The following CMPK2 variants were observed in gnomAD, a reference collection of about 807,000 sequenced individuals.
CMPK2 encodes cytidine/uridine monophosphate kinase 2.
CMPK2 carries 32 observed loss-of-function variants against 33.4 expected under a neutral mutation model. That is an observed-to-expected ratio of 0.96 (90% CI 0.72 to 1.29). The LOEUF is 1.29. Among genes scored for constraint, CMPK2 ranks in the 50% most tolerant of loss-of-function variants. CMPK2 has a pLI of 0.00. For synonymous variants in CMPK2, 299 were observed against 275.3 expected (o/e 1.09, Z -0.85); for missense variants, 672 against 616.0 (o/e 1.09, Z -0.96).
intron 3 of CMPK2, among the ~76,000 whole-genome samples, chr2:6,841,282 T>G (rs1054125462): frequency 6.6e-6 from 1 of 152,090 alleles, no homozygotes; most frequent in South Asian, 2.1e-4. Flanking sequence ...CAACAAGAGG[T>G]GCTGAATTCC....
chr2:6,840,739 G>C, intron 3 of CMPK2: 1 of 695,644 alleles, frequency 1.4e-6, no homozygotes, highest in Admixed American at 2.0e-5. Context: ...TGGTAGAACA[G>C]AGGTGGCCCT....
At chr2:6,851,371 A>G (rs1662516101) in intron 4 of CMPK2, 79 bp downstream of exon 4, 1 of 1,591,654 alleles carries the variant, frequency 6.3e-7, no homozygotes, top group Admixed American at 1.8e-5. Context: ...ACTTCCTCAC[A>G]ATCCTAAAGC....
At position 6,849,205 on chromosome 2, in the gene CMPK2, T is replaced by A; in HGVS notation, c.*645A>T. On this transcript the variant is annotated 3_prime_UTR_variant, in exon 5 of 5. Coordinates refer to ENST00000256722, the MANE Select transcript of CMPK2 (RefSeq NM_207315.4). ...ATCTTGGCTTGAATGTCTTTATATA[T>A]GACTCAGAAGCCTATCAAAAGGGCT... is the stretch of plus-strand genomic sequence containing the variant. The A allele has an allele frequency of 1.0e-6, 1 of 985,468 alleles. No individual in the cohort carries two copies. The highest frequency in any genetic ancestry group is 1.2e-6 in the Non-Finnish European group (1 of 829,926). The allele number at this position is 985,468 out of a possible 1,614,324, so 61.0% of individuals were successfully genotyped here.
chr2:6,863,590 C>T lies in CMPK2; in HGVS notation c.676-12G>A, dbSNP rs117967668. On this transcript the variant is annotated splice_polypyrimidine_tract_variant and intron_variant, in intron 1 of 4. Coordinates refer to ENST00000256722, the MANE Select transcript of CMPK2 (RefSeq NM_207315.4). ...ATAAAGGAGGTACACTGTAAAACAACGTCTATCCATCAGCAATGAAGCCAG... is the reference window on the plus strand; with the variant it reads ...ATAAAGGAGGTACACTGTAAAACAATGTCTATCCATCAGCAATGAAGCCAG... 294 of 1,602,876 alleles carry T rather than the reference C, an allele frequency of 1.8e-4. 1 individual carries two copies. In the East Asian group the frequency reaches 5.9e-3, roughly 32 times the overall value.
At chr2:6,841,234 A>C (rs1662225630) in intron 3 of CMPK2, among the ~76,000 whole-genome samples, 1 of 152,174 alleles carries the variant, frequency 6.6e-6, no homozygotes, top group African/African-American at 2.4e-5. Flanking sequence ...TGTTTGACAT[A>C]GAAATGCCTC....
At chr2:6,844,306 A>C (rs756286778), downstream of CMPK2, among the ~76,000 whole-genome samples, 2 of 152,204 alleles carry the variant, frequency 1.3e-5, no homozygotes, top group Non-Finnish European at 2.9e-5. Context: ...CTAGAGTACT[A>C]TCTGGACCTA....
chr2:6,847,788 A>G (rs768149279), downstream of CMPK2, among the ~76,000 whole-genome samples: 1 of 152,154 alleles, frequency 6.6e-6, no homozygotes, highest in African/African-American at 2.4e-5. Context: ...CTCACATACT[A>G]TTGGCAAGAA....
chr2:6,853,899 C>CT (rs1662605458), intron 3 of CMPK2, among the ~76,000 whole-genome samples: 1 of 150,574 alleles, frequency 6.6e-6, no homozygotes, highest in Non-Finnish European at 1.5e-5. Context: ...GAGACTTCAT[C>CT]TAAAAAAAAA....
downstream of CMPK2, among the ~76,000 whole-genome samples, chr2:6,847,901 A>C (rs927125402): frequency 1.3e-5 from 2 of 152,232 alleles, no homozygotes; most frequent in Non-Finnish European, 2.9e-5. Context: ...CCATGGAAGA[A>C]AGGAAGAATA....
chr2:6,841,945 T>C (rs1055015422), intron 3 of CMPK2, among the ~76,000 whole-genome samples: 1 of 152,168 alleles, frequency 6.6e-6, no homozygotes, highest in Non-Finnish European at 1.5e-5. Context: ...CAGGAAAGCA[T>C]ACTTAGAATC....
chr2:6,857,288 T>C (rs192783440), intron 3 of CMPK2, among the ~76,000 whole-genome samples: 1 of 152,080 alleles, frequency 6.6e-6, no homozygotes, highest in Admixed American at 6.5e-5. Context: ...TTTTTAAAGC[T>C]ATTTTTTTCT....
chr2:6,850,079 T>C (rs1662470587), intron 4 of CMPK2, 106 bp from the exon 5 acceptor site: 1 of 813,260 alleles, frequency 1.2e-6, no homozygotes, highest in Non-Finnish European at 2.0e-6. Context: ...AAGCTTCCCA[T>C]GTCATTTATC....
intron 3 of CMPK2, among the ~76,000 whole-genome samples, chr2:6,857,097 A>G (rs561752740): frequency 5.1e-4 from 78 of 152,258 alleles, no homozygotes; most frequent in Non-Finnish European, 8.2e-4. Context: ...GTTTCTATTG[A>G]TCCATATCAT....
intron 3 of CMPK2, among the ~76,000 whole-genome samples, chr2:6,842,149 T>G (rs1662249938): frequency 6.6e-6 from 1 of 152,168 alleles, no homozygotes; most frequent in South Asian, 2.1e-4. Flanking sequence ...CAGCCCAGTC[T>G]CAGTTTTCTA....
At position 6,849,815 on chromosome 2, in the gene CMPK2, C is replaced by T. The variant is rs776401712; in HGVS notation, c.*35G>A. The T allele has an allele frequency of 2.5e-6, 4 of 1,612,090 alleles. No homozygotes were observed. The highest frequency in any genetic ancestry group is 1.7e-4 in the Middle Eastern group (1 of 5,832). ...TGGATGTAGATGTTTCAAACAACAT[C>T]TAATCTAGTTAGACGTGGCACCTGG... is the stretch of plus-strand genomic sequence containing the variant. On this transcript the variant is annotated 3_prime_UTR_variant, in exon 5 of 5. Coordinates refer to ENST00000256722, the MANE Select transcript of CMPK2 (RefSeq NM_207315.4).
Position 6,865,764 on chromosome 2 carries a change from C to A in CMPK2, c.-68G>T, listed in dbSNP as rs1317548435. Reference sequence around the variant, plus strand: ...AAACCTGGCGGGAGCCAGGCGCCGGCGGGAAACGAAACCCGGAGGGAGCCA... The same window carrying A: ...AAACCTGGCGGGAGCCAGGCGCCGGAGGGAAACGAAACCCGGAGGGAGCCA... On this transcript the variant is annotated 5_prime_UTR_variant, in exon 1 of 5. Coordinates refer to ENST00000256722, the MANE Select transcript of CMPK2 (RefSeq NM_207315.4). 19 of 1,264,874 alleles carry A rather than the reference C, an allele frequency of 1.5e-5. No homozygotes were observed. The highest frequency in any genetic ancestry group is 1.7e-5 in the Non-Finnish European group (17 of 1,005,482). The allele number at this position is 1,264,874 out of a possible 1,614,324, so 78.4% of individuals were successfully genotyped here. A position where few individuals can be genotyped will look rare whatever the true frequency, so the allele number is the denominator to read the frequency against.
At chr2:6,863,802 G>A (rs1662957969) in intron 1 of CMPK2, among the ~76,000 whole-genome samples, 1 of 152,224 alleles carries the variant, frequency 6.6e-6, no homozygotes, top group Admixed American at 6.5e-5. Context: ...TGTCTGGATC[G>A]CTTGGTGGCC....
Position 6,865,439 on chromosome 2 carries a change from C to T in CMPK2, c.258G>A (p.Gly86=). ...GCAGCCGCGCCGCCCGGACCCGGGCCCCGCAGCCGGCGTCCGGGGTCACGG... is the reference window on the plus strand; with the variant it reads ...GCAGCCGCGCCGCCCGGACCCGGGCTCCGCAGCCGGCGTCCGGGGTCACGG... ...CVPVTPDAGC[G]ARVRAARLHQ... Residue 86 remains glycine (G), a synonymous_variant, in exon 1 of 5, where the codon GGG becomes GGA. Coordinates refer to ENST00000256722, the MANE Select transcript of CMPK2 (RefSeq NM_207315.4). 7.8e-7 allele frequency: 1 copy of T among 1,283,912 alleles called. No homozygotes were observed. The highest frequency in any genetic ancestry group is 9.8e-7 in the Non-Finnish European group (1 of 1,020,774). The allele number at this position is 1,283,912 out of a possible 1,614,324, so 79.5% of individuals were successfully genotyped here.
chr2:6,851,581 G>A lies in CMPK2; in HGVS notation c.1095C>T (p.Asp365=), dbSNP rs778629159. ...AHHPVYQWPE[D]LLKPDLILLL... ...GCAGGATAAGGTCAGGTTTGAGCAG[G>A]TCCTCTGGCCACTGGTACACAGGGT... is the stretch of plus-strand genomic sequence containing the variant. The change falls in exon 4 of 5, where the codon GAC becomes GAT. Residue 365 remains aspartate (D), a synonymous_variant. Transcript: ENST00000256722. The A allele has an allele frequency of 1.2e-6, 2 of 1,614,184 alleles. No homozygotes were observed. The highest frequency in any genetic ancestry group is 2.2e-5 in the East Asian group (1 of 44,880).
Sources: allele counts gnomAD v4.1 joint callset (sites outside exome capture counted in the v4.1 genomes callset), GRCh38; gene constraint gnomAD v4.1.1; transcripts MANE v1.5; gene names NCBI Gene and HGNC (gene_info 2026-07-23, HGNC 2026-07-21).